The following TAS2R1 variants were observed in gnomAD, a reference collection of about 807,000 sequenced individuals.
TAS2R1 encodes the protein taste receptor type 2 member 1.
For synonymous variants in TAS2R1, 141 were observed against 134.2 expected, an observed-to-expected ratio of 1.05 and a Z score of -0.35; for missense variants, 370 against 353.4, an observed-to-expected ratio of 1.05 and a Z score of -0.38.
At chr5:9,798,567 T>C in the TAS2R1 span, among the ~76,000 whole-genome samples, 1 of 152,216 alleles carries the variant, frequency 6.6e-6, no homozygotes, top group Admixed American at 6.5e-5. Flanking sequence ...GATTTCCTCC[T>C]GGACTCAGTT....
the TAS2R1 span, among the ~76,000 whole-genome samples, chr5:9,816,613 A>T: frequency 6.6e-6 from 1 of 152,158 alleles, no homozygotes; most frequent in Non-Finnish European, 1.5e-5. Context: ...GTCAGAAATA[A>T]TGTATCTCAG....
At chr5:9,869,475 C>T in the TAS2R1 span, among the ~76,000 whole-genome samples, 3 of 152,170 alleles carry the variant, frequency 2.0e-5, no homozygotes, top group African/African-American at 7.2e-5. Flanking sequence ...TCCCATGATT[C>T]AATTACCTCC....
chr5:9,798,800 A>G, the TAS2R1 span, among the ~76,000 whole-genome samples: 3 of 152,248 alleles, frequency 2.0e-5, no homozygotes, highest in African/African-American at 4.8e-5. Context: ...CCAGTACCAC[A>G]TGGACAGCTG....
intron 1 of TAS2R1, among the ~76,000 whole-genome samples, chr5:9,701,728 AAC>A (rs1273102363): frequency 6.6e-6 from 1 of 152,242 alleles, no homozygotes; most frequent in Non-Finnish European, 1.5e-5. Context: ...TTCTTATCAT[AAC>A]AGTTTTTCAC....
At chr5:9,743,710 C>T in the TAS2R1 span, among the ~76,000 whole-genome samples, 3 of 152,122 alleles carry the variant, frequency 2.0e-5, no homozygotes, top group South Asian at 6.2e-4. Flanking sequence ...ATAACATAGA[C>T]TTGGCATTTG....
intron 1 of TAS2R1, among the ~76,000 whole-genome samples, chr5:9,708,598 CTT>C (rs57057857): frequency 0.056 from 8,267 of 147,864 alleles, 767 homozygotes; most frequent in African/African-American, 0.19. Context: ...CAAATGGTCT[CTT>C]TTTTTTTTTC....
the TAS2R1 span, among the ~76,000 whole-genome samples, chr5:9,880,461 C>G: frequency 1.2e-4 from 18 of 152,176 alleles, no homozygotes; most frequent in Admixed American, 3.9e-4. Context: ...TTCAAGGAAC[C>G]ATTCTCTGTC....
At chr5:9,682,956 T>C (rs1741022646) in intron 1 of TAS2R1, among the ~76,000 whole-genome samples, 1 of 152,168 alleles carries the variant, frequency 6.6e-6, no homozygotes, top group African/African-American at 2.4e-5. Flanking sequence ...ACCTGTTCAG[T>C]AAGTATCAAC....
upstream of TAS2R1, among the ~76,000 whole-genome samples, chr5:9,632,197 G>T (rs1739884658): frequency 2.6e-5 from 4 of 152,172 alleles, no homozygotes; most frequent in African/African-American, 9.7e-5. Context: ...ACATATAAAA[G>T]TTATGTTGAT....
At chr5:9,677,431 C>A (rs1213879330) in intron 1 of TAS2R1, among the ~76,000 whole-genome samples, 1 of 137,690 alleles carries the variant, frequency 7.3e-6, no homozygotes, top group African/African-American at 2.7e-5. Context: ...AAAAGAGAAC[C>A]AAAAGACAAG....
At chr5:9,821,863 TG>T in the TAS2R1 span, among the ~76,000 whole-genome samples, 2 of 152,246 alleles carry the variant, frequency 1.3e-5, no homozygotes, top group Non-Finnish European at 2.9e-5. Context: ...CCTTATGACC[TG>T]GGGAAAGATA....
chr5:9,757,017 G>A, the TAS2R1 span, among the ~76,000 whole-genome samples: 1 of 152,258 alleles, frequency 6.6e-6, no homozygotes, highest in South Asian at 2.1e-4. Flanking sequence ...AAATGGTTCT[G>A]GTAGGCACAG....
the TAS2R1 span, among the ~76,000 whole-genome samples, chr5:9,771,206 G>A: frequency 6.6e-6 from 1 of 151,716 alleles, no homozygotes; most frequent in Non-Finnish European, 1.5e-5. Context: ...TTGATTGCCA[G>A]TGTGAATCAA....
At chr5:9,816,399 A>G in the TAS2R1 span, among the ~76,000 whole-genome samples, 5 of 152,300 alleles carry the variant, frequency 3.3e-5, no homozygotes, top group Middle Eastern at 3.4e-3. Context: ...GAAGCATTCT[A>G]TTGTTAAAAT....
chr5:9,874,510 A>G, the TAS2R1 span, among the ~76,000 whole-genome samples: 5 of 152,068 alleles, frequency 3.3e-5, no homozygotes, highest in Admixed American at 3.3e-4. Flanking sequence ...CAGGGATCCT[A>G]TTTCATTTTC....
At chr5:9,744,074 G>T in the TAS2R1 span, among the ~76,000 whole-genome samples, 21 of 152,236 alleles carry the variant, frequency 1.4e-4, no homozygotes, top group Admixed American at 1.2e-3. Flanking sequence ...CTGCACCCAA[G>T]TTGCCTATAC....
the TAS2R1 span, among the ~76,000 whole-genome samples, chr5:9,833,708 G>A: frequency 3.9e-5 from 6 of 152,294 alleles, no homozygotes; most frequent in East Asian, 1.2e-3. Flanking sequence ...CTGATTAAGA[G>A]TGAAACATAT....
rs182425101 is a variant in TAS2R1 at position 9,650,517 on chromosome 5, T to A, written c.-81+8904A>T. Among the ~76,000 whole-genome samples, 473 of 152,288 alleles carry A rather than the reference T, an allele frequency of 3.1e-3. 1 individual carries two copies. The highest frequency in any genetic ancestry group is 7.1e-3 in the South Asian group (34 of 4,822). On this transcript the variant is annotated intron_variant, in intron 2 of 2. Transcript: ENST00000506620. Reference sequence around the variant, plus strand: ...ACAACTCTATGCCTCTAATATTATGTTGGGCTTTGTTGGACACAGCACACC... The same window carrying A: ...ACAACTCTATGCCTCTAATATTATGATGGGCTTTGTTGGACACAGCACACC...
the TAS2R1 span, among the ~76,000 whole-genome samples, chr5:9,798,071 C>T: frequency 2.0e-5 from 3 of 152,078 alleles, no homozygotes; most frequent in South Asian, 2.1e-4. Context: ...TAAAAGGGAA[C>T]GAGAACATAA....
Sources: gnomAD v4.1 joint callset for allele counts (sites outside exome capture counted in the v4.1 genomes callset) on GRCh38, gnomAD v4.1.1 for gene constraint, MANE v1.5 for transcripts, NCBI Gene and HGNC (gene_info 2026-07-23, HGNC 2026-07-21) for gene names.